STAG1: variants seen among roughly 807,000 people sequenced by gnomAD.
STAG1 encodes the protein cohesin subunit SA-1.
In STAG1, 26 loss-of-function variants were observed where a neutral mutation model predicts 170.9. The observed-to-expected ratio is 0.15, with a 90% CI of 0.11 to 0.21. The LOEUF is 0.21. Ranked by LOEUF, STAG1 falls within the 10% of genes least tolerant of loss-of-function variation. The pLI is 1.00. For synonymous variants in STAG1, 514 were observed against 497.7 expected, an observed-to-expected ratio of 1.03 and a Z score of -0.44; for missense variants, 964 against 1,509.5, an observed-to-expected ratio of 0.64 and a Z score of 5.99.
At chr3:136,559,481 G>A (rs151295700) in intron 5 of STAG1, among the ~76,000 whole-genome samples, 3 of 152,134 alleles carry the variant, frequency 2.0e-5, no homozygotes, top group African/African-American at 7.2e-5. Flanking sequence ...AGAAACTGCA[G>A]TCAGAGTAGG....
intron 3 of STAG1, among the ~76,000 whole-genome samples, chr3:136,618,927 A>G (rs1444753705): frequency 6.6e-6 from 1 of 152,220 alleles, no homozygotes; most frequent in Non-Finnish European, 1.5e-5. Flanking sequence ...AAAAAAAGTA[A>G]CATCATGTCT....
chr3:136,659,133 G>C (rs1941490374), intron 1 of STAG1, among the ~76,000 whole-genome samples: 1 of 152,144 alleles, frequency 6.6e-6, no homozygotes, highest in African/African-American at 2.4e-5. Flanking sequence ...TCAGAGAATA[G>C]AGCACAGAAC....
Position 136,348,736 on chromosome 3 carries a change from G to A in STAG1, c.3271+422C>T, listed in dbSNP as rs1344268499. 3.3e-5 allele frequency: 6 copies of A among 184,380 alleles called. No individual in the cohort carries two copies. The East Asian group carries it at 9.1e-4, about 28-fold the overall frequency. 11.4% of individuals were successfully genotyped at this position (184,380 alleles called of 1,614,324 possible). ...ATCACTGTCTTACTGTTCCAACCAA[G>A]TGGTAGAACTGGAAAACAACTATTC... On this transcript the variant is annotated intron_variant, in intron 29 of 33. Coordinates refer to ENST00000383202, the MANE Select transcript of STAG1 (RefSeq NM_005862.3).
At chr3:136,634,790 G>C (rs1485955667) in intron 1 of STAG1, among the ~76,000 whole-genome samples, 1 of 151,656 alleles carries the variant, frequency 6.6e-6, no homozygotes, top group Non-Finnish European at 1.5e-5. Context: ...TGTTGGAAAA[G>C]GTAAACAAAA....
At chr3:136,696,630 G>A (rs957661212) in intron 1 of STAG1, among the ~76,000 whole-genome samples, 2 of 151,988 alleles carry the variant, frequency 1.3e-5, no homozygotes, top group African/African-American at 2.4e-5. Context: ...GAGTGAAGAG[G>A]GGTTTTTTGT....
intron 12 of STAG1, among the ~76,000 whole-genome samples, chr3:136,467,913 G>A (rs935916312): frequency 6.6e-6 from 1 of 152,140 alleles, no homozygotes; most frequent in Non-Finnish European, 1.5e-5. Flanking sequence ...ATGACTAATG[G>A]GTACATAACG....
chr3:136,382,972 T>G (rs1938059928), intron 22 of STAG1, among the ~76,000 whole-genome samples: 1 of 152,218 alleles, frequency 6.6e-6, no homozygotes, highest in Non-Finnish European at 1.5e-5. Context: ...TAATTTAGGT[T>G]CCTGAAAATT....
intron 16 of STAG1, among the ~76,000 whole-genome samples, chr3:136,432,525 G>C (rs1017759362): frequency 4.2e-4 from 59 of 142,036 alleles, no homozygotes; most frequent in Non-Finnish European, 8.0e-4. Context: ...GGGGGGGGGG[G>C]GGCACAGAGT....
At chr3:136,703,423 T>C (rs960354699) in intron 1 of STAG1, among the ~76,000 whole-genome samples, 1 of 152,220 alleles carries the variant, frequency 6.6e-6, no homozygotes, top group African/African-American at 2.4e-5. Context: ...ATTGGGGTTG[T>C]GTGTTTTTAT....
chr3:136,505,312 A>G (rs942593779), intron 7 of STAG1, among the ~76,000 whole-genome samples: 1 of 152,206 alleles, frequency 6.6e-6, no homozygotes, highest in Non-Finnish European at 1.5e-5. Context: ...TTAACTGCTG[A>G]CTATAAAATG....
chr3:136,620,686 G>C (rs1473610773), intron 3 of STAG1, among the ~76,000 whole-genome samples: 1 of 152,216 alleles, frequency 6.6e-6, no homozygotes, highest in Non-Finnish European at 1.5e-5. Context: ...GACTGATTGA[G>C]TTAGGTGGAA....
chr3:136,423,861 T>A (rs1482123540), intron 16 of STAG1, among the ~76,000 whole-genome samples: 2 of 151,858 alleles, frequency 1.3e-5, no homozygotes, highest in Admixed American at 6.6e-5. Flanking sequence ...GTCTTTTTTT[T>A]TTTTATTTTT....
Position 136,341,430 on chromosome 3 carries a change from G to A in STAG1, c.3557+11C>T. 4 of 1,543,962 alleles carry A rather than the reference G, an allele frequency of 2.6e-6. No individual in the cohort carries two copies. Among genetic ancestry groups the A allele is most frequent in the Non-Finnish European group, 3.6e-6 (4 of 1,118,030 alleles). On this transcript the variant is annotated intron_variant, in intron 31 of 33. Coordinates refer to ENST00000383202, the MANE Select transcript of STAG1 (RefSeq NM_005862.3). ...TTGTTATGTTCTTGTGATACTCCAT[G>A]TAACACTTACACAGCATGCCTCACT...
intron 6 of STAG1, among the ~76,000 whole-genome samples, chr3:136,526,982 C>A (rs1329368806): frequency 6.6e-6 from 1 of 152,168 alleles, no homozygotes; most frequent in Admixed American, 6.5e-5. Context: ...TGATGGGCTT[C>A]CCTTTGTGGG....
At chr3:136,486,303 C>T (rs902949886) in intron 9 of STAG1, among the ~76,000 whole-genome samples, 35 of 152,200 alleles carry the variant, frequency 2.3e-4, no homozygotes, top group Admixed American at 1.7e-3. Flanking sequence ...ATCAGTGTTT[C>T]ACATCCTTGC....
intron 6 of STAG1, among the ~76,000 whole-genome samples, chr3:136,524,638 T>C (rs1394963914): frequency 6.6e-6 from 1 of 152,188 alleles, no homozygotes; most frequent in Non-Finnish European, 1.5e-5. Context: ...CTATGTTGAA[T>C]AGGAGTGGTG....
At chr3:136,721,603 T>C (rs1933272349) in intron 1 of STAG1, 1 of 152,120 alleles carries the variant, frequency 6.6e-6, no homozygotes, top group Admixed American at 6.6e-5. Context: ...AGAATTACAC[T>C]ATGGGGCCGG....
intron 1 of STAG1, among the ~76,000 whole-genome samples, chr3:136,652,982 T>C (rs1197070659): frequency 6.6e-6 from 1 of 152,022 alleles, no homozygotes; most frequent in African/African-American, 2.4e-5. Context: ...TGCCCCTAGT[T>C]AAGAACTAGC....
At chr3:136,541,711 T>C (rs1265542484) in intron 6 of STAG1, among the ~76,000 whole-genome samples, 3 of 152,172 alleles carry the variant, frequency 2.0e-5, no homozygotes, top group East Asian at 3.8e-4. Flanking sequence ...TTTTATAATC[T>C]CTGAGACAGG....
Sources: gnomAD v4.1 joint callset for allele counts (sites outside exome capture counted in the v4.1 genomes callset) on GRCh38, gnomAD v4.1.1 for gene constraint, MANE v1.5 for transcripts, NCBI Gene and HGNC (gene_info 2026-07-23, HGNC 2026-07-21) for gene names.